The following B3GALT1 variants were observed in gnomAD, a reference collection of about 807,000 sequenced individuals.
The protein encoded by B3GALT1 is UDP-Gal:betaGlcNAc beta 1,3-galactosyltransferase, polypeptide 1.
In B3GALT1, 10 loss-of-function variants were observed where a neutral mutation model predicts 23.2. That is an observed-to-expected ratio of 0.43 (90% CI 0.27 to 0.73). B3GALT1 has a LOEUF of 0.73. Among genes scored for constraint, B3GALT1 ranks in the 30% least tolerant of loss-of-function variants. The pLI, the probability that B3GALT1 is intolerant of heterozygous loss-of-function variation, is 0.21. For synonymous variants in B3GALT1, 156 were observed against 141.5 expected, an observed-to-expected ratio of 1.10 and a Z score of -0.73; for missense variants, 299 against 405.4, an observed-to-expected ratio of 0.74 and a Z score of 2.25.
intron 3 of B3GALT1, among the ~76,000 whole-genome samples, chr2:167,804,139 A>C (rs1029470184): frequency 6.6e-6 from 1 of 151,932 alleles, no homozygotes; most frequent in Non-Finnish European, 1.5e-5. Flanking sequence ...ACAGGTGGGC[A>C]CCACCACGTC....
intron 3 of B3GALT1, among the ~76,000 whole-genome samples, chr2:167,780,115 T>C (rs767421827): frequency 1.3e-5 from 2 of 152,222 alleles, no homozygotes; most frequent in Non-Finnish European, 2.9e-5. Flanking sequence ...ATCTTTGCTG[T>C]GTAACCTCCA....
chr2:167,410,595 C>A (rs946006930), intron 1 of B3GALT1, among the ~76,000 whole-genome samples: 3 of 151,068 alleles, frequency 2.0e-5, no homozygotes, highest in African/African-American at 7.3e-5. Flanking sequence ...GGCTGGGGGG[C>A]AAGTGGAGGG....
Position 167,597,520 on chromosome 2 carries a change from T to C in B3GALT1, c.-409-49389T>C, listed in dbSNP as rs140342721. ...AATGTGTAAAATCAGAATGAAATAG[T>C]GCTGCCAACTGACACTCAAGAGGGC... On this transcript the variant is annotated intron_variant, in intron 2 of 4. Transcript: ENST00000392690. Among the ~76,000 whole-genome samples, 13 of 152,274 alleles carry C rather than the reference T, an allele frequency of 8.5e-5. No individual in the cohort carries two copies. The East Asian group carries it at 2.5e-3, about 29-fold the overall frequency.
intron 1 of B3GALT1, among the ~76,000 whole-genome samples, chr2:167,471,277 A>G (rs1198390907): frequency 2.6e-5 from 4 of 152,230 alleles, no homozygotes; most frequent in Non-Finnish European, 4.4e-5. Context: ...TGTACCACAT[A>G]AAAAGAGCTA....
chr2:167,389,057 AGCTTT>A (rs1697975848), intron 1 of B3GALT1, among the ~76,000 whole-genome samples: 3 of 152,104 alleles, frequency 2.0e-5, no homozygotes, highest in Non-Finnish European at 2.9e-5. Context: ...AGAATATATC[AGCTTT>A]TTGGCTGGCA....
At chr2:167,579,432 C>CTTTTTTT (rs71395297) in intron 2 of B3GALT1, among the ~76,000 whole-genome samples, 24,389 of 105,404 alleles carry the variant, frequency 0.23, 3,276 homozygotes, top group East Asian at 0.5. Context: ...TTTTTTTTGT[C>CTTTTTTT]TTTTTTTTTT....
At chr2:167,296,640 A>G (rs1040494219) in intron 1 of B3GALT1, among the ~76,000 whole-genome samples, 6 of 152,192 alleles carry the variant, frequency 3.9e-5, no homozygotes, top group African/African-American at 1.2e-4. Context: ...TTACTAATCT[A>G]TTATTATGAT....
intron 2 of B3GALT1, among the ~76,000 whole-genome samples, chr2:167,598,449 C>G (rs1684820340): frequency 6.6e-6 from 1 of 151,848 alleles, no homozygotes; most frequent in African/African-American, 2.4e-5. Flanking sequence ...ATATGAATTG[C>G]CTCAGATATC....
At chr2:167,848,567 C>A (rs961243562) in intron 4 of B3GALT1, among the ~76,000 whole-genome samples, 1 of 152,064 alleles carries the variant, frequency 6.6e-6, no homozygotes, top group African/African-American at 2.4e-5. Context: ...AAACTCTCAG[C>A]AAAATCAGCA....
intron 1 of B3GALT1, among the ~76,000 whole-genome samples, chr2:167,432,282 C>T (rs947250217): frequency 6.6e-6 from 1 of 152,142 alleles, no homozygotes; most frequent in African/African-American, 2.4e-5. Context: ...ACACCAATGG[C>T]TGTTGATCTG....
intron 1 of B3GALT1, among the ~76,000 whole-genome samples, chr2:167,376,482 G>T (rs1697764350): frequency 6.6e-6 from 1 of 151,974 alleles, no homozygotes; most frequent in Non-Finnish European, 1.5e-5. Flanking sequence ...GGGCTTTCTT[G>T]GGTTGGTAGG....
intron 2 of B3GALT1, among the ~76,000 whole-genome samples, chr2:167,565,944 G>C (rs371958330): frequency 6.6e-6 from 1 of 152,028 alleles, no homozygotes; most frequent in African/African-American, 2.4e-5. Context: ...TCAGTGTGGC[G>C]ATTCCTCAGG....
intron 2 of B3GALT1, among the ~76,000 whole-genome samples, chr2:167,565,516 TTAAAC>T (rs543088812): frequency 0.012 from 1,840 of 152,136 alleles, 17 homozygotes; most frequent in Middle Eastern, 0.027. Flanking sequence ...TGGGATGTAA[TTAAAC>T]TAAGGAGATT....
chr2:167,742,658 TAAG>T (rs1687593277), intron 3 of B3GALT1, among the ~76,000 whole-genome samples: 1 of 152,284 alleles, frequency 6.6e-6, no homozygotes, highest in South Asian at 2.1e-4. Flanking sequence ...TGTTAAATAA[TAAG>T]AACCCATTTT....
intron 2 of B3GALT1, among the ~76,000 whole-genome samples, chr2:167,604,577 T>G (rs1684930931): frequency 6.6e-6 from 1 of 152,182 alleles, no homozygotes. Flanking sequence ...CAACAATGCT[T>G]CAGGGCAGAG....
At chr2:167,457,864 T>C (rs1699195226) in intron 1 of B3GALT1, among the ~76,000 whole-genome samples, 1 of 152,164 alleles carries the variant, frequency 6.6e-6, no homozygotes, top group Non-Finnish European at 1.5e-5. Context: ...AATTAGAAAC[T>C]CTTGGGGTGC....
chr2:167,500,794 C>G (rs887073145), intron 2 of B3GALT1, among the ~76,000 whole-genome samples: 5 of 152,022 alleles, frequency 3.3e-5, no homozygotes, highest in African/African-American at 1.2e-4. Context: ...ATTACTTACT[C>G]CTGGGGTAAG....
intron 2 of B3GALT1, among the ~76,000 whole-genome samples, chr2:167,498,079 C>T (rs1165861775): frequency 6.6e-6 from 1 of 152,130 alleles, no homozygotes; most frequent in East Asian, 1.9e-4. Context: ...TTACCATCTG[C>T]TCTGATTTTA....
intron 3 of B3GALT1, among the ~76,000 whole-genome samples, chr2:167,707,411 G>A (rs1414960278): frequency 6.6e-6 from 1 of 152,024 alleles, no homozygotes; most frequent in Non-Finnish European, 1.5e-5. Context: ...CATTCCGTAG[G>A]GTAGAAGTCT....
Sources: gnomAD v4.1 joint callset for allele counts (sites outside exome capture counted in the v4.1 genomes callset) on GRCh38, gnomAD v4.1.1 for gene constraint, MANE v1.5 for transcripts, NCBI Gene and HGNC (gene_info 2026-07-23, HGNC 2026-07-21) for gene names.